TANGO6: variants seen among roughly 807,000 people sequenced by gnomAD.
TANGO6 encodes the protein transport and golgi organization 6 homolog, also known as transport and Golgi organization protein 6 homolog.
In TANGO6, 90 loss-of-function variants were observed where a neutral mutation model predicts 114.2. The ratio of observed to expected loss-of-function variants is 0.79; its 90% CI spans 0.66 to 0.94. The LOEUF (loss-of-function observed/expected upper bound fraction) is 0.94. TANGO6 is among the 40% of genes least tolerant of loss of function. The pLI, the probability that TANGO6 is intolerant of heterozygous loss-of-function variation, is 0.00. For synonymous variants in TANGO6, 477 were observed against 509.8 expected (o/e 0.94, Z 0.87); for missense variants, 1,274 against 1,315.3 (o/e 0.97, Z 0.49).
At chr16:69,022,598 G>A (rs1467572212) in intron 15 of TANGO6, among the ~76,000 whole-genome samples, 1 of 152,016 alleles carries the variant, frequency 6.6e-6, no homozygotes, top group Non-Finnish European at 1.5e-5. Context: ...CAACTACTTG[G>A]GAGACTGAGG....
At chr16:69,037,135 C>CAAAA (rs1232986110) in intron 16 of TANGO6, among the ~76,000 whole-genome samples, 4 of 45,210 alleles carry the variant, frequency 8.8e-5, no homozygotes, top group Admixed American at 2.1e-4. Flanking sequence ...GAGTCCATCT[C>CAAAA]AAAAAAAAAA....
At chr16:69,010,380 C>T (rs956250069) in intron 15 of TANGO6, among the ~76,000 whole-genome samples, 3 of 152,044 alleles carry the variant, frequency 2.0e-5, no homozygotes, top group Non-Finnish European at 4.4e-5. Flanking sequence ...TTTCCTTGCC[C>T]GAAAAAGCAT....
chr16:68,931,500 C>G (rs1425799861), intron 14 of TANGO6, among the ~76,000 whole-genome samples: 1 of 152,132 alleles, frequency 6.6e-6, no homozygotes, highest in East Asian at 1.9e-4. Flanking sequence ...GGAAATAGCT[C>G]AAACAACCAT....
chr16:68,974,201 G>T (rs147762992), intron 15 of TANGO6, 33 bp downstream of exon 15: 7 of 1,613,562 alleles, frequency 4.3e-6, no homozygotes, highest in East Asian at 2.2e-5. Context: ...CCTGGAAAAG[G>T]GTGGAGGATC....
At chr16:68,848,208 G>T (rs1317327371) in intron 1 of TANGO6, among the ~76,000 whole-genome samples, 2 of 152,032 alleles carry the variant, frequency 1.3e-5, no homozygotes, top group Non-Finnish European at 1.5e-5. Flanking sequence ...CTGGGCTCGG[G>T]TGATGCTTCT....
chr16:68,930,159 T>G, intron 13 of TANGO6, 79 bp from the exon 14 acceptor site: 1 of 1,274,182 alleles, frequency 7.8e-7, no homozygotes, highest in Non-Finnish European at 1.1e-6. Flanking sequence ...ATTTACTCCT[T>G]TGAGCTGCTG....
intron 16 of TANGO6, among the ~76,000 whole-genome samples, chr16:69,029,933 C>T (rs1032478813): frequency 2.0e-5 from 3 of 151,634 alleles, no homozygotes; most frequent in African/African-American, 7.3e-5. Flanking sequence ...CATGGTTAAA[C>T]CCCATCTCTA....
At chr16:68,848,725 T>G (rs1961853684) in intron 1 of TANGO6, among the ~76,000 whole-genome samples, 1 of 152,186 alleles carries the variant, frequency 6.6e-6, no homozygotes, top group African/African-American at 2.4e-5. Context: ...ATTAGTGTCT[T>G]AGCAACCTCC....
At chr16:68,879,285 C>A (rs916486494) in intron 6 of TANGO6, among the ~76,000 whole-genome samples, 1 of 151,578 alleles carries the variant, frequency 6.6e-6, no homozygotes, top group East Asian at 2.0e-4. Flanking sequence ...AGTTTGCAAC[C>A]AGGCTGGGTA....
intron 17 of TANGO6, among the ~76,000 whole-genome samples, chr16:69,075,585 C>T (rs768979951): frequency 1.3e-5 from 2 of 151,534 alleles, no homozygotes; most frequent in Non-Finnish European, 2.9e-5. Context: ...TCCCGAGTAG[C>T]TGGGACTACA....
At chr16:68,846,072 C>G (rs1299835427) in intron 1 of TANGO6, among the ~76,000 whole-genome samples, 2 of 152,138 alleles carry the variant, frequency 1.3e-5, no homozygotes, top group Non-Finnish European at 2.9e-5. Flanking sequence ...GTTGCCCAGG[C>G]TGGAGTGCAG....
intron 16 of TANGO6, among the ~76,000 whole-genome samples, chr16:69,037,697 G>T (rs1959711649): frequency 6.6e-6 from 1 of 152,178 alleles, no homozygotes; most frequent in Admixed American, 6.6e-5. Context: ...CCTTAGGGTG[G>T]GGGGTCCCAG....
intron 15 of TANGO6, among the ~76,000 whole-genome samples, chr16:69,018,849 G>A (rs1226849700): frequency 6.6e-6 from 1 of 152,096 alleles, no homozygotes; most frequent in Non-Finnish European, 1.5e-5. Flanking sequence ...GGCGGAGCTT[G>A]CAGTGAGCCA....
At chr16:68,925,120 C>G (rs369146521) in intron 12 of TANGO6, among the ~76,000 whole-genome samples, 1 of 151,828 alleles carries the variant, frequency 6.6e-6, no homozygotes, top group East Asian at 1.9e-4. Flanking sequence ...AGGCCAGCCC[C>G]GGCAACATGG....
chr16:68,845,592 G>A (rs1392785451), intron 1 of TANGO6, among the ~76,000 whole-genome samples: 1 of 152,106 alleles, frequency 6.6e-6, no homozygotes, highest in African/African-American at 2.4e-5. Flanking sequence ...GGCCATACCT[G>A]TAATCCCAGC....
In TANGO6 at chr16:68,907,461, A is replaced by G. The variant is rs753279829; in HGVS notation, c.1686A>G (p.Glu562=). 3 of 1,602,140 alleles carry G rather than the reference A, an allele frequency of 1.9e-6. No homozygotes were observed. The highest frequency in any genetic ancestry group is 1.8e-5 in the Admixed American group (1 of 55,904). ...ATTGCAGTGATGAAGATGAAGATGA[A>G]GCCCTGTACCAGAAGGTATCCTCTG... ...KEAISDEDED[E]ALYQKVSSEQ... is the part of the protein sequence containing the mutation. The change falls in exon 10 of 18, where the codon GAA becomes GAG. Residue 562 remains glutamate (E), a synonymous_variant. Coordinates refer to ENST00000261778, the MANE Select transcript of TANGO6 (RefSeq NM_024562.2).
chr16:68,982,566 A>G (rs1213159267), intron 15 of TANGO6, among the ~76,000 whole-genome samples: 3 of 149,150 alleles, frequency 2.0e-5, no homozygotes, highest in Admixed American at 2.0e-4. Flanking sequence ...CTCACATCAG[A>G]TGATCTACCC....
chr16:68,983,020 CT>C (rs548361636), intron 15 of TANGO6, among the ~76,000 whole-genome samples: 109 of 150,372 alleles, frequency 7.2e-4, no homozygotes, highest in Admixed American at 1.4e-3. Flanking sequence ...CTTGTTATTT[CT>C]TTTTTTTTAT....
chr16:69,034,498 A>C (rs1959654988), intron 16 of TANGO6: 1 of 153,764 alleles, frequency 6.5e-6, no homozygotes, highest in African/African-American at 2.4e-5. Flanking sequence ...CATGCAGAGG[A>C]CCCAGGCTCC....
Sources: allele counts gnomAD v4.1 joint callset (sites outside exome capture counted in the v4.1 genomes callset), GRCh38; gene constraint gnomAD v4.1.1; transcripts MANE v1.5; gene names NCBI Gene and HGNC (gene_info 2026-07-23, HGNC 2026-07-21).